The following GRID2 variants were observed in gnomAD, a reference collection of about 807,000 sequenced individuals.
The protein encoded by GRID2 is glutamate receptor ionotropic, delta-2.
In GRID2, 33 loss-of-function variants were observed where a neutral mutation model predicts 114.8. The ratio of observed to expected loss-of-function variants is 0.29; its 90% CI spans 0.22 to 0.38. The LOEUF is 0.38. Ranked by LOEUF, GRID2 falls within the 10% of genes least tolerant of loss-of-function variation. The pLI, the probability that GRID2 is intolerant of heterozygous loss-of-function variation, is 1.00. For synonymous variants in GRID2, 505 were observed against 449.9 expected (o/e 1.12, Z -1.55); for missense variants, 1,184 against 1,257.7 (o/e 0.94, Z 0.89).
At chr4:92,828,248 C>T (rs999813144) in intron 2 of GRID2, among the ~76,000 whole-genome samples, 1 of 151,976 alleles carries the variant, frequency 6.6e-6, no homozygotes, top group Non-Finnish European at 1.5e-5. Context: ...TCACTGGCAA[C>T]CAAAGTTTAT....
intron 2 of GRID2, among the ~76,000 whole-genome samples, chr4:92,966,215 A>C (rs1410857293): frequency 6.6e-6 from 1 of 151,900 alleles, no homozygotes; most frequent in Non-Finnish European, 1.5e-5. Flanking sequence ...GAAAAGCCTG[A>C]AACTGAAACA....
At chr4:92,813,877 C>T (rs537848394) in intron 2 of GRID2, among the ~76,000 whole-genome samples, 1 of 152,190 alleles carries the variant, frequency 6.6e-6, no homozygotes, top group East Asian at 1.9e-4. Flanking sequence ...TTGAAAGATT[C>T]TTTGGATCTG....
Position 93,183,769 on chromosome 4 carries a change from T to A in GRID2, c.736-23635T>A, listed in dbSNP as rs141779680. Among the ~76,000 whole-genome samples the A allele has an allele frequency of 4.2e-3, 636 of 152,338 alleles. 8 individuals are homozygous for A. The highest frequency in any genetic ancestry group is 0.015 in the African/African-American group (613 of 41,572). On this transcript the variant is annotated intron_variant, in intron 4 of 15. Coordinates refer to ENST00000282020, the MANE Select transcript of GRID2 (RefSeq NM_001510.4). ...ATAAACTATATCAGTAAATCCATGT[T>A]ACCACTCAGGGAAGTTGGCTTCATT...
intron 2 of GRID2, among the ~76,000 whole-genome samples, chr4:93,028,841 TAAC>T (rs976249214): frequency 6.6e-6 from 1 of 152,048 alleles, no homozygotes; most frequent in Non-Finnish European, 1.5e-5. Context: ...GTAAGAATAA[TAAC>T]ATTTGTAAAT....
At chr4:92,347,162 GC>G in intron 1 of GRID2, among the ~76,000 whole-genome samples, 1 of 152,296 alleles carries the variant, frequency 6.6e-6, no homozygotes, top group South Asian at 2.1e-4. Context: ...GCTGGTGTCA[GC>G]TTTTTAGCCC....
intron 2 of GRID2, among the ~76,000 whole-genome samples, chr4:92,674,983 T>C (rs974425075): frequency 1.3e-5 from 2 of 152,200 alleles, no homozygotes; most frequent in Non-Finnish European, 2.9e-5. Context: ...TCTTCATATG[T>C]CTAGTATATT....
intron 2 of GRID2, among the ~76,000 whole-genome samples, chr4:92,794,891 T>TAC (rs1739780798): frequency 7.2e-6 from 1 of 139,344 alleles, no homozygotes; most frequent in Non-Finnish European, 1.5e-5. Context: ...TATATATATA[T>TAC]ATATATATAT....
chr4:93,741,694 G>T (rs749541450), intron 14 of GRID2, among the ~76,000 whole-genome samples: 2 of 152,238 alleles, frequency 1.3e-5, no homozygotes, highest in African/African-American at 4.8e-5. Context: ...TTGGGAGGCC[G>T]AGGCGGGCCT....
At chr4:93,480,287 T>A (rs79643887) in intron 11 of GRID2, among the ~76,000 whole-genome samples, 2,607 of 151,954 alleles carry the variant, frequency 0.017, 61 homozygotes, top group African/African-American at 0.06. Context: ...AAAAAGGACA[T>A]ATCAAAAAAT....
chr4:93,092,787 C>A (rs78540029), intron 3 of GRID2, among the ~76,000 whole-genome samples: 6,578 of 151,952 alleles, frequency 0.043, 200 homozygotes, highest in East Asian at 0.14. Context: ...CATACCAAAC[C>A]ACTAAGCTGT....
intron 13 of GRID2, among the ~76,000 whole-genome samples, chr4:93,554,193 A>G (rs536353853): frequency 3.3e-5 from 5 of 152,286 alleles, no homozygotes; most frequent in African/African-American, 9.6e-5. Context: ...AGGAATTGGA[A>G]CTTTACCCAA....
At chr4:93,423,854 T>C (rs1768580275) in intron 10 of GRID2, among the ~76,000 whole-genome samples, 1 of 152,140 alleles carries the variant, frequency 6.6e-6, no homozygotes. Flanking sequence ...GGTTTATAAC[T>C]TACTGTTTGG....
intron 4 of GRID2, among the ~76,000 whole-genome samples, chr4:93,153,521 A>G (rs921662524): frequency 1.8e-4 from 28 of 152,162 alleles, no homozygotes; most frequent in African/African-American, 5.1e-4. Flanking sequence ...ATTTCCTGGC[A>G]TCTCCTGAGT....
At chr4:92,494,122 T>G (rs1038349842) in intron 1 of GRID2, among the ~76,000 whole-genome samples, 3 of 152,068 alleles carry the variant, frequency 2.0e-5, no homozygotes, top group Non-Finnish European at 4.4e-5. Context: ...TTGAGAAAAT[T>G]TTTCATAATT....
chr4:92,713,170 C>T (rs186669790), intron 2 of GRID2, among the ~76,000 whole-genome samples: 67 of 151,416 alleles, frequency 4.4e-4, no homozygotes, highest in African/African-American at 1.5e-3. Context: ...CAACAGGCCC[C>T]GGTATGTGAT....
At chr4:92,907,441 C>T (rs577979411) in intron 2 of GRID2, among the ~76,000 whole-genome samples, 6 of 151,954 alleles carry the variant, frequency 3.9e-5, no homozygotes, top group Non-Finnish European at 8.8e-5. Flanking sequence ...GACAGATATT[C>T]GCTCTTGTTT....
chr4:93,079,791 C>T (rs376549336), intron 2 of GRID2, among the ~76,000 whole-genome samples: 13 of 151,992 alleles, frequency 8.6e-5, no homozygotes, highest in East Asian at 7.7e-4. Context: ...TAAAGGTTCA[C>T]GTTGGCTTTA....
At chr4:93,339,964 T>A (rs1008277422) in intron 8 of GRID2, among the ~76,000 whole-genome samples, 1 of 152,188 alleles carries the variant, frequency 6.6e-6, no homozygotes, top group Non-Finnish European at 1.5e-5. Context: ...CATGATTCAG[T>A]TACCTCCACC....
chr4:93,680,726 C>T (rs1317397849), intron 14 of GRID2, among the ~76,000 whole-genome samples: 5 of 151,630 alleles, frequency 3.3e-5, no homozygotes, highest in African/African-American at 9.7e-5. Context: ...CAAAATTCAA[C>T]AACCCTTCAT....
Sources: allele counts gnomAD v4.1 joint callset (sites outside exome capture counted in the v4.1 genomes callset), GRCh38; gene constraint gnomAD v4.1.1; transcripts MANE v1.5; gene names NCBI Gene and HGNC (gene_info 2026-07-23, HGNC 2026-07-21).